The following PTPRQ variants were observed in gnomAD, a reference collection of about 807,000 sequenced individuals.
The protein encoded by PTPRQ is protein tyrosine phosphatase receptor type Q.
PTPRQ carries 199 observed loss-of-function variants against 246.0 expected under a neutral mutation model. That is an observed-to-expected ratio of 0.81 (90% CI 0.72 to 0.91). The LOEUF is 0.91. Among genes scored for constraint, PTPRQ ranks in the 40% least tolerant of loss-of-function variants. The probability of loss-of-function intolerance (pLI) is 0.00; values close to 1 mark genes in which losing one functional copy is unlikely to be tolerated. For synonymous variants in PTPRQ, 869 were observed against 853.2 expected (o/e 1.02, Z -0.32); for missense variants, 2,624 against 2,528.4 (o/e 1.04, Z -0.81).
chr12:80,465,861 T>G (rs1422455882), intron 6 of PTPRQ, among the ~76,000 whole-genome samples: 2 of 152,120 alleles, frequency 1.3e-5, no homozygotes, highest in Admixed American at 1.3e-4. Context: ...TATCTCAAAA[T>G]AATAAGAGCT....
rs532682337 is a variant in PTPRQ at position 80,559,719 on chromosome 12, T to G, written c.4285+9985T>G. ...GAATATTACCTTACTTTGGAAGGTATAGATATACATTTGAATTAAATTTAG... is the reference window on the plus strand; with the variant it reads ...GAATATTACCTTACTTTGGAAGGTAGAGATATACATTTGAATTAAATTTAG... On this transcript the variant is annotated intron_variant, in intron 25 of 44. Transcript: ENST00000644991. Among the ~76,000 whole-genome samples the G allele has an allele frequency of 6.3e-4, 96 of 152,312 alleles. 1 individual carries two copies. Among genetic ancestry groups the G allele is most frequent in the African/African-American group, 2.2e-3 (90 of 41,562 alleles).
intron 35 of PTPRQ, among the ~76,000 whole-genome samples, chr12:80,635,619 T>C (rs1258637125): frequency 6.6e-6 from 1 of 152,010 alleles, no homozygotes; most frequent in African/African-American, 2.4e-5. Flanking sequence ...AGTAAAAACA[T>C]GTGTACTAAA....
rs1898644306 is a variant in PTPRQ at position 80,613,768 on chromosome 12, C to T, written c.5095C>T (p.Gln1699Ter). ...AVQIHNLSIIQKTNTFVIAML... is the reference protein window; with the variant it reads ...AVQIHNLSII Reference sequence around the variant, plus strand: ...CCAGATTCACAACCTCAGTATTATACAGAAAACCAACACATTCGTCATTGC... The same window carrying T: ...CCAGATTCACAACCTCAGTATTATATAGAAAACCAACACATTCGTCATTGC... Residue 1699 changes from glutamine (Q) to a stop codon, truncating the protein, a stop_gained, in exon 29 of 45, where the codon CAG becomes TAG. Transcript: ENST00000644991. LOFTEE classifies it high-confidence loss of function. 1.9e-6 allele frequency: 3 copies of T among 1,543,454 alleles called. No individual in the cohort carries two copies. The highest frequency in any genetic ancestry group is 2.6e-6 in the Non-Finnish European group (3 of 1,141,942).
rs1029880416 is a variant in PTPRQ, at chr12:80,587,958, G to A, written c.4286-171G>A. Among the ~76,000 whole-genome samples, 16 of 152,148 alleles carry A rather than the reference G, an allele frequency of 1.1e-4. 1 individual carries two copies. The highest frequency in any genetic ancestry group is 8.3e-4 in the South Asian group (4 of 4,818). ...TCTACCCTTTTAAAATGATGGTCCC[G>A]GAAGCATCACTCTAAGGTTCTTCTC... On this transcript the variant is annotated intron_variant, in intron 25 of 44. Coordinates refer to ENST00000644991, the MANE Select transcript of PTPRQ (RefSeq NM_001145026.2).
Position 80,679,054 on chromosome 12 carries a change from G to T in PTPRQ, c.*31G>T, listed in dbSNP as rs775286392. 2 of 1,536,346 alleles carry T rather than the reference G, an allele frequency of 1.3e-6. No individual in the cohort carries two copies. Among genetic ancestry groups the T allele is most frequent in the East Asian group, 2.5e-5 (1 of 40,502 alleles). ...CAGACCAAAGGATACAATTGGAAGA[G>T]ATTTTTAAATCCCAGGGGCCAAAGT... On this transcript the variant is annotated 3_prime_UTR_variant, in exon 45 of 45. Coordinates refer to ENST00000644991, the MANE Select transcript of PTPRQ (RefSeq NM_001145026.2).
intron 14 of PTPRQ, among the ~76,000 whole-genome samples, chr12:80,505,074 T>G (rs10862150): frequency 0.32 from 48,663 of 151,676 alleles, 9,056 homozygotes; most frequent in African/African-American, 0.51. Flanking sequence ...TTTCAGGTCT[T>G]TCTGCAGGGA....
At chr12:80,586,775 A>G (rs1165852527) in intron 25 of PTPRQ, 2 of 152,072 alleles carry the variant, frequency 1.3e-5, no homozygotes, top group Non-Finnish European at 2.9e-5. Context: ...AATATACAAA[A>G]CCAAAATGTG....
At chr12:80,502,465 A>G (rs1393411352) in intron 14 of PTPRQ, among the ~76,000 whole-genome samples, 1 of 152,004 alleles carries the variant, frequency 6.6e-6, no homozygotes, top group Non-Finnish European at 1.5e-5. Flanking sequence ...TAGTCAGCAT[A>G]GAATGGTGTT....
intron 33 of PTPRQ, among the ~76,000 whole-genome samples, chr12:80,626,689 T>A (rs1377419192): frequency 1.3e-5 from 2 of 152,198 alleles, no homozygotes; most frequent in Non-Finnish European, 2.9e-5. Context: ...GCTGTACTTG[T>A]AACCACTGCA....
intron 37 of PTPRQ, 51 bp from the exon 38 acceptor site, chr12:80,652,693 T>A: frequency 6.9e-7 from 1 of 1,443,360 alleles, no homozygotes; most frequent in Non-Finnish European, 9.1e-7. Context: ...TAAGTGAAAT[T>A]TCTTGTTTAC....
intron 34 of PTPRQ, 48 bp from the exon 35 acceptor site, chr12:80,634,897 A>G: frequency 1.3e-6 from 2 of 1,541,192 alleles, no homozygotes; most frequent in Middle Eastern, 1.7e-4. Context: ...CTAATTTTAT[A>G]TACTTTGTGT....
rs572049831 is a variant in PTPRQ, at chr12:80,633,279, AAG to A, written c.5786+992_5786+993del. ...GTCTAAATATTAAAGTTTATACAGAAAGAGATCTTTTTTATAGTTAGAACAAC... is the reference window on the plus strand; with the variant it reads ...GTCTAAATATTAAAGTTTATACAGAAAGATCTTTTTTATAGTTAGAACAAC... On this transcript the variant is annotated intron_variant, in intron 34 of 44. Transcript: ENST00000644991. Among the ~76,000 whole-genome samples, 82 of 152,354 alleles carry A rather than the reference AAG, an allele frequency of 5.4e-4. 4 individuals carry two copies. The South Asian group carries it at 0.016, about 30-fold the overall frequency.
intron 38 of PTPRQ, among the ~76,000 whole-genome samples, chr12:80,657,425 G>A (rs1900478346): frequency 6.6e-6 from 1 of 151,554 alleles, no homozygotes; most frequent in Non-Finnish European, 1.5e-5. Flanking sequence ...ATTGAGAAAT[G>A]TTTTTCAAAA....
At position 80,612,180 on chromosome 12, in the gene PTPRQ, A is replaced by C. The variant is rs142948174; in HGVS notation, c.4919-1412A>C. 1.6e-3 allele frequency among the ~76,000 whole-genome samples: 238 copies of C among 150,524 alleles called. 2 individuals are homozygous for C. The highest frequency in any genetic ancestry group is 5.5e-3 in the African/African-American group (226 of 41,374). On this transcript the variant is annotated intron_variant, in intron 28 of 44. Transcript: ENST00000644991. ...TTATGCATCAAGAAGTAGCTCCTTTATTCATAAAATAACTTTTATCCTCAT... is the reference window on the plus strand; with the variant it reads ...TTATGCATCAAGAAGTAGCTCCTTTCTTCATAAAATAACTTTTATCCTCAT...
intron 17 of PTPRQ, among the ~76,000 whole-genome samples, chr12:80,531,029 A>AAT (rs1565768107): frequency 3.3e-5 from 5 of 151,982 alleles, no homozygotes; most frequent in African/African-American, 1.2e-4. Context: ...GTCGCTAAAA[A>AAT]ATATATATAT....
intron 30 of PTPRQ, among the ~76,000 whole-genome samples, chr12:80,618,413 T>C (rs1312337184): frequency 6.8e-6 from 1 of 147,858 alleles, no homozygotes; most frequent in Non-Finnish European, 1.5e-5. Context: ...CAGTGAGCTA[T>C]AAGACCAAAT....
At position 80,496,338 on chromosome 12, in the gene PTPRQ, T is replaced by A; in HGVS notation, c.2079T>A (p.Asn693Lys). The change falls in exon 14 of 45, where the codon AAT becomes AAA. Residue 693 changes from asparagine (N) to lysine (K), a missense_variant. By Grantham distance (94) the Asn-to-Lys change is moderately conservative. Transcript: ENST00000644991. Reference sequence around the variant, plus strand: ...AGTGGTCACCACCCGAAAAGCCCAATGGGATCATTATTGCTTATGAAGTGC... The same window carrying A: ...AGTGGTCACCACCCGAAAAGCCCAAAGGGATCATTATTGCTTATGAAGTGC... The part of the protein sequence containing the change: ...RLKWSPPEKP[N>K]GIIIAYEVLY... 6.4e-7 allele frequency: 1 copy of A among 1,550,784 alleles called. No homozygotes were observed. The highest frequency in any genetic ancestry group is 8.7e-7 in the Non-Finnish European group (1 of 1,146,464).
intron 17 of PTPRQ, among the ~76,000 whole-genome samples, chr12:80,531,395 C>T (rs1022740297): frequency 2.4e-4 from 37 of 152,096 alleles, no homozygotes; most frequent in African/African-American, 8.9e-4. Flanking sequence ...TAAAACTAAG[C>T]CAGCTGAAAG....
At chr12:80,639,799 A>G (rs1451340529) in intron 35 of PTPRQ, among the ~76,000 whole-genome samples, 4 of 152,204 alleles carry the variant, frequency 2.6e-5, no homozygotes, top group Non-Finnish European at 4.4e-5. Flanking sequence ...AGAGTTTGCT[A>G]ACAAAATAAT....
Sources: allele counts gnomAD v4.1 joint callset (sites outside exome capture counted in the v4.1 genomes callset), GRCh38; gene constraint gnomAD v4.1.1; transcripts MANE v1.5; gene names NCBI Gene and HGNC (gene_info 2026-07-23, HGNC 2026-07-21).